The following TEX11 variants were observed in gnomAD, a reference collection of about 807,000 sequenced individuals.
TEX11 encodes testis-expressed protein 11.
TEX11 carries 7 observed loss-of-function variants against 84.4 expected under a neutral mutation model. The ratio of observed to expected loss-of-function variants is 0.08; its 90% CI spans 0.05 to 0.16. The LOEUF (loss-of-function observed/expected upper bound fraction) is 0.16. Ranked by LOEUF, TEX11 falls within the 10% of genes least tolerant of loss-of-function variation. TEX11 has a pLI of 1.00. For synonymous variants in TEX11, 264 were observed against 222.8 expected (o/e 1.18, Z -1.64); for missense variants, 551 against 660.5 (o/e 0.83, Z 1.82).
At chrX:70,606,862 G>C in intron 23 of TEX11, 97 bp downstream of exon 23, 1 of 467,552 alleles carries the variant, frequency 2.1e-6, no homozygotes, top group Non-Finnish European at 3.4e-6. Flanking sequence ...CCTAGATCAA[G>C]AGACAATCCT....
intron 17 of TEX11, 73 bp downstream of exon 17, chrX:70,651,377 C>G: frequency 1.5e-6 from 1 of 680,645 alleles, no homozygotes; most frequent in Non-Finnish European, 2.2e-6. Flanking sequence ...ATGTTTTTTT[C>G]CCACTGTGGT....
chrX:70,584,486 A>G lies in TEX11; in HGVS notation c.2140+7265T>C, dbSNP rs1273934445. Among the ~76,000 whole-genome samples the G allele has an allele frequency of 4.5e-5, 5 of 112,050 alleles. No individual in the cohort carries two copies. The Admixed American group carries it at 4.7e-4, about 11-fold the overall frequency. ...TCCAAACATTTAAAGAAGAATAAAC[A>G]GCAGTTCTCTCAAACTCTTCCAAAT... is the stretch of plus-strand genomic sequence containing the variant. On this transcript the variant is annotated intron_variant, in intron 25 of 29. Transcript: ENST00000374333.
intron 2 of TEX11, among the ~76,000 whole-genome samples, chrX:70,881,005 CAAAAAAAAAAAAA>C (rs11284342): frequency 1.1e-4 from 5 of 46,229 alleles, no homozygotes; most frequent in Admixed American, 9.8e-4. Context: ...AGACATCATC[CAAAAAAAAAAAAA>C]AAAAAAAAAA....
At chrX:70,600,131 A>C (rs1454652592) in intron 24 of TEX11, among the ~76,000 whole-genome samples, 83 of 111,481 alleles carry the variant, frequency 7.4e-4, no homozygotes, top group South Asian at 3.0e-3. Context: ...TTTACAGTCC[A>C]ACCAACAGTG....
intron 7 of TEX11, among the ~76,000 whole-genome samples, chrX:70,844,377 C>T (rs758017910): frequency 3.0e-5 from 3 of 100,762 alleles, no homozygotes; most frequent in South Asian, 4.9e-4. Context: ...AACCAAACAC[C>T]GCATGTTCTC....
rs184614771 is a variant in TEX11, at chrX:70,759,827, G to C, written c.693-15608C>G. Among the ~76,000 whole-genome samples, 13 of 111,292 alleles carry C rather than the reference G, an allele frequency of 1.2e-4. No homozygotes were observed. The East Asian group carries it at 1.7e-3, about 14-fold the overall frequency. On this transcript the variant is annotated intron_variant, in intron 9 of 29. Transcript: ENST00000374333. ...TAGGAAAAGAGGAAGTCAAATTGTCGCTGTTTGCAGATGACATGATTGTAT... is the reference window on the plus strand; with the variant it reads ...TAGGAAAAGAGGAAGTCAAATTGTCCCTGTTTGCAGATGACATGATTGTAT...
At chrX:70,701,942 A>G (rs1227684453) in intron 13 of TEX11, among the ~76,000 whole-genome samples, 1 of 112,075 alleles carries the variant, frequency 8.9e-6, no homozygotes, top group Non-Finnish European at 1.9e-5. Context: ...TCTCATGATA[A>G]GACTTGAATG....
chrX:70,752,243 G>T (rs1251256269), intron 9 of TEX11, among the ~76,000 whole-genome samples: 3 of 111,390 alleles, frequency 2.7e-5, no homozygotes, highest in African/African-American at 9.8e-5. Flanking sequence ...GACATAGTAA[G>T]TATAATAATA....
intron 25 of TEX11, among the ~76,000 whole-genome samples, chrX:70,578,764 CTTTTTTTTTTTTT>C (rs869110075): frequency 4.0e-5 from 2 of 50,172 alleles, no homozygotes; most frequent in African/African-American, 1.7e-4. Context: ...AGTTGAACTT[CTTTTTTTTTTTTT>C]TTTTTTTTTT....
At chrX:70,801,627 TTCTTTCTTTC>T (rs2147803889) in intron 9 of TEX11, among the ~76,000 whole-genome samples, 1 of 2,595 alleles carries the variant, frequency 3.9e-4, no homozygotes, top group South Asian at 0.029. Flanking sequence ...TTCTTTTATT[TTCTTTCTTTC>T]TTTCTTTCTT....
intron 9 of TEX11, among the ~76,000 whole-genome samples, chrX:70,760,808 C>G (rs2090903771): frequency 9.0e-6 from 1 of 111,675 alleles, no homozygotes; most frequent in Admixed American, 9.5e-5. Flanking sequence ...ATACTATCAT[C>G]AGAGTGAACA....
chrX:70,549,733 C>T (rs1055407389), intron 28 of TEX11, among the ~76,000 whole-genome samples: 1 of 112,208 alleles, frequency 8.9e-6, no homozygotes, highest in Non-Finnish European at 1.9e-5. Flanking sequence ...GTTTGGATAC[C>T]AGCTAAGCTG....
In TEX11 at chrX:70,809,597, T is replaced by C. The variant is rs145898237; in HGVS notation, c.607-2807A>G. On this transcript the variant is annotated intron_variant, in intron 8 of 29. Coordinates refer to ENST00000374333, the MANE Select transcript of TEX11 (RefSeq NM_031276.3). ...CACTATGTAGATACATGGAGGTAAA[T>C]ACAAAAAGAGCCAACTAAAATAACT... Among the ~76,000 whole-genome samples the C allele has an allele frequency of 8.9e-5, 10 of 111,869 alleles. No individual in the cohort carries two copies. The East Asian group carries it at 2.5e-3, about 28-fold the overall frequency.
intron 9 of TEX11, among the ~76,000 whole-genome samples, chrX:70,754,625 G>A (rs2090854183): frequency 9.0e-6 from 1 of 111,239 alleles, no homozygotes; most frequent in African/African-American, 3.3e-5. Context: ...GGTAGAGAGT[G>A]GTTACAGCAA....
intron 28 of TEX11, 108 bp from the exon 29 acceptor site, chrX:70,530,107 T>G: frequency 3.3e-4 from 202 of 621,325 alleles, no homozygotes; most frequent in Non-Finnish European, 3.9e-4. Flanking sequence ...ATAGGAGCTC[T>G]GCTGATGTTT....
At chrX:70,552,833 G>A (rs916581350) in intron 27 of TEX11, among the ~76,000 whole-genome samples, 1 of 111,687 alleles carries the variant, frequency 9.0e-6, no homozygotes, top group Non-Finnish European at 1.9e-5. Flanking sequence ...CTGCGTGCCT[G>A]TAATCCCAGC....
At chrX:70,516,659 A>T in the TEX11 span, among the ~76,000 whole-genome samples, 1 of 111,165 alleles carries the variant, frequency 9.0e-6, no homozygotes, top group African/African-American at 3.3e-5. Context: ...TCTGTGAAGA[A>T]AGTCATTGGT....
chrX:70,571,894 G>A (rs779697624), intron 25 of TEX11, among the ~76,000 whole-genome samples: 18 of 111,661 alleles, frequency 1.6e-4, no homozygotes, highest in Non-Finnish European at 2.6e-4. Flanking sequence ...ATGTGTAGGT[G>A]AGGTATAGTA....
intron 11 of TEX11, among the ~76,000 whole-genome samples, chrX:70,729,409 G>A (rs1471007981): frequency 4.5e-5 from 5 of 110,887 alleles, no homozygotes; most frequent in African/African-American, 1.6e-4. Flanking sequence ...TAAAAACCTT[G>A]AAAAAAAATT....
Sources: allele counts gnomAD v4.1 joint callset (sites outside exome capture counted in the v4.1 genomes callset), GRCh38; gene constraint gnomAD v4.1.1; transcripts MANE v1.5; gene names NCBI Gene and HGNC (gene_info 2026-07-23, HGNC 2026-07-21).